SLC35F4: variants seen among roughly 807,000 people sequenced by gnomAD.
The protein encoded by SLC35F4 is chromosome 14 open reading frame 36.
In SLC35F4, 24 loss-of-function variants were observed where a neutral mutation model predicts 44.2. The observed-to-expected ratio is 0.54, with a 90% CI of 0.39 to 0.76. The LOEUF (loss-of-function observed/expected upper bound fraction) is 0.76, where lower values mean the gene tolerates loss of function less well. SLC35F4 is among the 30% of genes least tolerant of loss of function. The pLI is 0.00. For synonymous variants in SLC35F4, 238 were observed against 223.6 expected (o/e 1.06, Z -0.57); for missense variants, 562 against 586.1 (o/e 0.96, Z 0.42).
At chr14:57,637,214 C>A (rs796861305) in intron 1 of SLC35F4, among the ~76,000 whole-genome samples, 1 of 152,092 alleles carries the variant, frequency 6.6e-6, no homozygotes, top group African/African-American at 2.4e-5. Flanking sequence ...AAACAAGTCA[C>A]CAAACCCATC....
chr14:57,662,895 G>C (rs1304852665), intron 1 of SLC35F4, among the ~76,000 whole-genome samples: 1 of 152,180 alleles, frequency 6.6e-6, no homozygotes, highest in African/African-American at 2.4e-5. Context: ...GCACTGAAAG[G>C]AGACTGGAGG....
In SLC35F4 at chr14:57,566,673, T is replaced by G. The variant is rs920915164; in HGVS notation, c.1127-109A>C. On this transcript the variant is annotated intron_variant, in intron 6 of 7. Coordinates refer to ENST00000556826, the MANE Select transcript of SLC35F4 (RefSeq NM_001306087.2). ...TTTGCTACATGTGCCTTTTAAACTG[T>G]CTATACCTTTGATCCTCTAATTTTG... 9.5e-6 allele frequency: 10 copies of G among 1,053,244 alleles called. No individual in the cohort carries two copies. In the South Asian group the frequency reaches 1.3e-4, roughly 14 times the overall value. The allele number at this position is 1,053,244 out of a possible 1,614,324, so 65.2% of individuals were successfully genotyped here.
intron 1 of SLC35F4, among the ~76,000 whole-genome samples, chr14:57,728,880 C>A (rs1211747140): frequency 6.6e-6 from 1 of 152,116 alleles, no homozygotes; most frequent in Non-Finnish European, 1.5e-5. Context: ...TTTTGTTTGT[C>A]TGAGGTTTTT....
Position 57,564,125 on chromosome 14 carries a change from A to G in SLC35F4, c.*10T>C. 1.9e-6 allele frequency: 3 copies of G among 1,613,268 alleles called. No homozygotes were observed. The highest frequency in any genetic ancestry group is 2.5e-6 in the Non-Finnish European group (3 of 1,179,450). On this transcript the variant is annotated 3_prime_UTR_variant, in exon 8 of 8. Transcript: ENST00000556826. ...ATATACATACACGTGCATTCAAAAT[A>G]TGTCCCTCTCTAAGCCAGTGGTATA... is the stretch of plus-strand genomic sequence containing the variant.
chr14:57,758,516 T>A (rs1874389088), intron 1 of SLC35F4, among the ~76,000 whole-genome samples: 1 of 152,124 alleles, frequency 6.6e-6, no homozygotes, highest in South Asian at 2.1e-4. Flanking sequence ...TTGATTCCAG[T>A]CATATATATA....
chr14:57,720,304 G>A (rs928671781), intron 1 of SLC35F4, among the ~76,000 whole-genome samples: 4 of 151,874 alleles, frequency 2.6e-5, no homozygotes, highest in African/African-American at 9.7e-5. Flanking sequence ...TTTTTTTAAC[G>A]TGCCTTTGTC....
intron 1 of SLC35F4, among the ~76,000 whole-genome samples, chr14:57,832,213 C>T (rs967026601): frequency 7.0e-6 from 1 of 142,478 alleles, no homozygotes; most frequent in East Asian, 2.5e-4. Flanking sequence ...CATCACTTGA[C>T]GTTGCCTTAG....
intron 1 of SLC35F4, among the ~76,000 whole-genome samples, chr14:57,634,132 G>A (rs2072916475): frequency 6.6e-6 from 1 of 152,148 alleles, no homozygotes; most frequent in Admixed American, 6.5e-5. Flanking sequence ...CACCCACCAT[G>A]TGCTAGGAAT....
intron 1 of SLC35F4, among the ~76,000 whole-genome samples, chr14:57,816,990 C>G (rs1882676194): frequency 6.6e-6 from 1 of 152,172 alleles, no homozygotes; most frequent in African/African-American, 2.4e-5. Context: ...TCAGGCTCCA[C>G]TTTCTGAGAA....
intron 1 of SLC35F4, among the ~76,000 whole-genome samples, chr14:57,957,728 A>T (rs1322785028): frequency 6.6e-6 from 1 of 152,208 alleles, no homozygotes; most frequent in South Asian, 2.1e-4. Flanking sequence ...CTCTAGGGTC[A>T]GTTAGATGTG....
chr14:57,730,800 GTCTGT>G (rs2076325199), intron 1 of SLC35F4, among the ~76,000 whole-genome samples: 1 of 151,792 alleles, frequency 6.6e-6, no homozygotes, highest in Non-Finnish European at 1.5e-5. Flanking sequence ...TGTCAAGGAA[GTCTGT>G]CAAGGAAGCA....
At chr14:57,681,628 G>A (rs766414342) in intron 1 of SLC35F4, among the ~76,000 whole-genome samples, 11 of 152,032 alleles carry the variant, frequency 7.2e-5, no homozygotes, top group Non-Finnish European at 1.5e-4. Context: ...AAAAGCAATG[G>A]CAACAAAAGC....
intron 1 of SLC35F4, among the ~76,000 whole-genome samples, chr14:57,712,162 G>A (rs2071866874): frequency 6.6e-6 from 1 of 152,162 alleles, no homozygotes. Context: ...ATTAGCCAGG[G>A]TCTAGCATTC....
At chr14:57,904,993 T>C (rs1889079417) in intron 1 of SLC35F4, among the ~76,000 whole-genome samples, 1 of 152,214 alleles carries the variant, frequency 6.6e-6, no homozygotes, top group Non-Finnish European at 1.5e-5. Context: ...AACCCAAAAC[T>C]TAGTGGTATG....
chr14:57,759,627 A>G (rs2077076195), intron 1 of SLC35F4, among the ~76,000 whole-genome samples: 1 of 152,184 alleles, frequency 6.6e-6, no homozygotes, highest in African/African-American at 2.4e-5. Context: ...TAGTGGTTAC[A>G]TAGAGACATT....
At chr14:57,932,236 T>A (rs184604814) in intron 1 of SLC35F4, among the ~76,000 whole-genome samples, 6 of 152,342 alleles carry the variant, frequency 3.9e-5, no homozygotes, top group Admixed American at 6.5e-5. Context: ...ACAGTTTTTA[T>A]GATGAAAATA....
At chr14:57,654,814 T>C (rs962841867) in intron 1 of SLC35F4, among the ~76,000 whole-genome samples, 2 of 152,194 alleles carry the variant, frequency 1.3e-5, no homozygotes, top group African/African-American at 4.8e-5. Context: ...TTTGAGGTAC[T>C]AGAAGTTAGG....
intron 6 of SLC35F4, among the ~76,000 whole-genome samples, chr14:57,568,075 G>T (rs1167744031): frequency 1.3e-5 from 2 of 152,242 alleles, no homozygotes; most frequent in African/African-American, 4.8e-5. Flanking sequence ...AGATCCTGGG[G>T]TGTGTAACAG....
chr14:57,597,132 A>G (rs2070540551), intron 1 of SLC35F4, among the ~76,000 whole-genome samples: 1 of 152,102 alleles, frequency 6.6e-6, no homozygotes, highest in Non-Finnish European at 1.5e-5. Context: ...AAATATTTCT[A>G]TTTTCTGTTT....
Sources: gnomAD v4.1 joint callset for allele counts (sites outside exome capture counted in the v4.1 genomes callset) on GRCh38, gnomAD v4.1.1 for gene constraint, MANE v1.5 for transcripts, NCBI Gene and HGNC (gene_info 2026-07-23, HGNC 2026-07-21) for gene names.